The following ZAR1L variants were observed in gnomAD, a reference collection of about 807,000 sequenced individuals.
ZAR1L encodes the protein protein ZAR1-like.
A neutral mutation model predicts 30.0 loss-of-function variants in ZAR1L; 16 were observed. That is an observed-to-expected ratio of 0.53 (90% CI 0.36 to 0.81). The LOEUF (loss-of-function observed/expected upper bound fraction) is 0.81. Ranked by LOEUF, ZAR1L falls within the 30% of genes least tolerant of loss-of-function variation. The pLI, the probability that ZAR1L is intolerant of heterozygous loss-of-function variation, is 0.00. For synonymous variants in ZAR1L, 197 were observed against 166.8 expected (o/e 1.18, Z -1.40); for missense variants, 392 against 417.2 (o/e 0.94, Z 0.53).
intron 2 of ZAR1L, among the ~76,000 whole-genome samples, chr13:32,313,993 G>A (rs374462364): frequency 2.0e-5 from 3 of 152,332 alleles, no homozygotes; most frequent in African/African-American, 7.2e-5. Flanking sequence ...TTAAGTGTAT[G>A]AAGTCAAATG....
Position 32,311,506 on chromosome 13 carries a change from C to G in ZAR1L, c.420G>C (p.Arg140Ser). The change falls in exon 3 of 6, where the codon AGG becomes AGC. Residue 140 changes from arginine (R) to serine (S), a missense_variant. Transcript: ENST00000533490. Reference protein sequence around the residue: ...CGVTSPATGRRGLIRLRRDGD... With the variant: ...CGVTSPATGRSGLIRLRRDGD... ...CATCTCTCCGCAGGCGGATCAAGCCCCTGCGGCCGGTGGCGGGCGAAGTGA... is the reference window on the plus strand; with the variant it reads ...CATCTCTCCGCAGGCGGATCAAGCCGCTGCGGCCGGTGGCGGGCGAAGTGA... 5 of 1,540,512 alleles carry G rather than the reference C, an allele frequency of 3.2e-6. No homozygotes were observed. The highest frequency in any genetic ancestry group is 4.4e-6 in the Non-Finnish European group (5 of 1,142,814).
intron 4 of ZAR1L, among the ~76,000 whole-genome samples, chr13:32,309,308 T>C (rs1471278059): frequency 6.6e-6 from 1 of 152,144 alleles, no homozygotes; most frequent in East Asian, 1.9e-4. Flanking sequence ...ATACGATTAA[T>C]ACTTACTTTT....
chr13:32,304,845 G>C lies in ZAR1L; in HGVS notation c.823-823C>G, dbSNP rs77869083. Among the ~76,000 whole-genome samples, 46 of 134,428 alleles carry C rather than the reference G, an allele frequency of 3.4e-4. 1 individual carries two copies. The highest frequency in any genetic ancestry group is 1.2e-3 in the African/African-American group (44 of 35,530). The allele number at this position is 134,428 out of a possible 152,430, so 88.2% of individuals were successfully genotyped here. A position where few individuals can be genotyped will look rare whatever the true frequency, so the allele number is the denominator to read the frequency against. On this transcript the variant is annotated intron_variant, in intron 5 of 5. Coordinates refer to ENST00000533490, the MANE Select transcript of ZAR1L (RefSeq NM_001136571.2). ...TTTTTTTGAAATGGAGTCTCGCTCT[G>C]TCGCCCAGTCTGGAGTGCAGTGGTG... is the stretch of plus-strand genomic sequence containing the variant.
At chr13:32,312,940 C>G (rs1355036562) in intron 2 of ZAR1L, among the ~76,000 whole-genome samples, 3 of 152,082 alleles carry the variant, frequency 2.0e-5, no homozygotes, top group African/African-American at 7.2e-5. Context: ...ATGGGTGAAA[C>G]TGGGGAACAT....
intron 2 of ZAR1L, 73 bp from the exon 3 acceptor site, chr13:32,312,166 A>T: frequency 2.1e-6 from 1 of 478,712 alleles, no homozygotes; most frequent in Non-Finnish European, 3.6e-6. Context: ...GCTTTTCCCT[A>T]CCTCTTCACT....
At chr13:32,312,421 G>A (rs1207579917) in intron 2 of ZAR1L, among the ~76,000 whole-genome samples, 2 of 152,160 alleles carry the variant, frequency 1.3e-5, no homozygotes, top group African/African-American at 4.8e-5. Flanking sequence ...TTACCCAAAG[G>A]AAATGAAATC....
intron 2 of ZAR1L, 138 bp from the exon 3 acceptor site, chr13:32,312,231 T>G: frequency 5.7e-6 from 2 of 349,612 alleles, no homozygotes; most frequent in Non-Finnish European, 1.0e-5. Context: ...TTCACACATA[T>G]GCTTTAATTA....
Position 32,311,351 on chromosome 13 carries a change from G to C in ZAR1L, c.575C>G (p.Ala192Gly). Residue 192 changes from alanine to glycine, a missense_variant, in exon 3 of 6, where the codon GCC becomes GGC. Coordinates refer to ENST00000533490, the MANE Select transcript of ZAR1L (RefSeq NM_001136571.2). ...GQLEESGEKD[A>G]PCPQETKSKQ... Reference sequence around the variant, plus strand: ...GCTCTTCGTCTCCTGAGGGCACGGGGCGTCTTTCTCCCCCGATTCCTCCAG... The same window carrying C: ...GCTCTTCGTCTCCTGAGGGCACGGGCCGTCTTTCTCCCCCGATTCCTCCAG... 1 of 1,550,974 alleles carries C rather than the reference G, an allele frequency of 6.4e-7. No homozygotes were observed. The highest frequency in any genetic ancestry group is 8.7e-7 in the Non-Finnish European group (1 of 1,146,984).
chr13:32,312,856 C>T (rs541100540), intron 2 of ZAR1L, among the ~76,000 whole-genome samples: 104 of 152,132 alleles, frequency 6.8e-4, no homozygotes, highest in Non-Finnish European at 1.1e-3. Flanking sequence ...CCAGTCTGGG[C>T]AACAGAGAGA....
Position 32,312,085 on chromosome 13 carries a change from C to T in ZAR1L, c.-160G>A. On this transcript the variant is annotated 5_prime_UTR_variant, in exon 3 of 6. Coordinates refer to ENST00000533490, the MANE Select transcript of ZAR1L (RefSeq NM_001136571.2). ...TTTCAGATTCTAATGGGAGCTGCTG[C>T]TTATTACCCTGATTGAGGGAGAGAA... 1 of 828,528 alleles carries T rather than the reference C, an allele frequency of 1.2e-6. No homozygotes were observed. The highest frequency in any genetic ancestry group is 1.8e-6 in the Non-Finnish European group (1 of 552,456). 51.3% of individuals were successfully genotyped at this position (828,528 alleles called of 1,614,324 possible). A position where few individuals can be genotyped will look rare whatever the true frequency, so the allele number is the denominator to read the frequency against.
rs1426911189 is a variant in ZAR1L at position 32,311,438 on chromosome 13, G to T, written c.488C>A (p.Ala163Asp). 1.9e-6 allele frequency: 3 copies of T among 1,548,488 alleles called. No homozygotes were observed. The South Asian group carries it at 3.6e-5, about 18-fold the overall frequency. ...CCGTGATGGTGGCTGCGGCTGGCTG[G>T]CCTCCGCAGGGCCCGGGAGCGCCTT... ...ESKALPGPAE[A>D]SQPQPPSRRS... The change falls in exon 3 of 6, where the codon GCC becomes GAC. Residue 163 changes from alanine to aspartate, a missense_variant. By Grantham distance (126) the Ala-to-Asp change is moderately radical (BLOSUM62 -2). Transcript: ENST00000533490.
rs1284706111 is a variant in ZAR1L, at chr13:32,314,350, G to A, written c.-189C>T. On this transcript the variant is annotated 5_prime_UTR_variant, in exon 2 of 6. Transcript: ENST00000533490. Reference sequence around the variant, plus strand: ...CCCACCCTTTTCCTAATCCAAGGTTGCTTCTGTTTACTGCTCAAGCACCTT... The same window carrying A: ...CCCACCCTTTTCCTAATCCAAGGTTACTTCTGTTTACTGCTCAAGCACCTT... The A allele has an allele frequency of 6.6e-6, 1 of 152,212 alleles. No homozygotes were observed. Among genetic ancestry groups the A allele is most frequent in the African/African-American group, 2.4e-5 (1 of 41,442 alleles). The allele number at this position is 152,212 out of a possible 1,614,324, so 9.4% of individuals were successfully genotyped here.
At position 32,303,816 on chromosome 13, in the gene ZAR1L, G is replaced by C; in HGVS notation, c.*63C>G. On this transcript the variant is annotated 3_prime_UTR_variant, in exon 6 of 6. Transcript: ENST00000533490. ...CAGGTCAGAGCCAAGTTGCAAAAAA[G>C]GAAGACAGCACAGTAAGTTACAAGA... 1 of 1,485,218 alleles carries C rather than the reference G, an allele frequency of 6.7e-7. No individual in the cohort carries two copies. The highest frequency in any genetic ancestry group is 9.0e-7 in the Non-Finnish European group (1 of 1,112,756). The allele number at this position is 1,485,218 out of a possible 1,614,324, so 92.0% of individuals were successfully genotyped here. A position where few individuals can be genotyped will look rare whatever the true frequency, so the allele number is the denominator to read the frequency against.
chr13:32,308,577 A>G (rs914987539), intron 5 of ZAR1L, 109 bp downstream of exon 5: 5 of 752,548 alleles, frequency 6.6e-6, no homozygotes, highest in African/African-American at 1.8e-5. Context: ...TCAAACATAC[A>G]GAACACTCAC....
At chr13:32,314,658 C>T (rs138711565) in intron 1 of ZAR1L, 108 bp from the exon 2 acceptor site, 30 of 152,298 alleles carry the variant, frequency 2.0e-4, no homozygotes, top group African/African-American at 7.2e-4. Flanking sequence ...TGAGACCAGA[C>T]TGACCAACAA....
chr13:32,311,365 C>T lies in ZAR1L; in HGVS notation c.561G>A (p.Ser187=). The part of the protein sequence containing the change: ...RQEEPGQLEE[S]GEKDAPCPQE... Reference sequence around the variant, plus strand: ...GAGGGCACGGGGCGTCTTTCTCCCCCGATTCCTCCAGCTGCCCGGGCTCCT... The same window carrying T: ...GAGGGCACGGGGCGTCTTTCTCCCCTGATTCCTCCAGCTGCCCGGGCTCCT... The change falls in exon 3 of 6, where the codon TCG becomes TCA. Residue 187 remains serine, a synonymous_variant. Coordinates refer to ENST00000533490, the MANE Select transcript of ZAR1L (RefSeq NM_001136571.2). 2 of 1,550,926 alleles carry T rather than the reference C, an allele frequency of 1.3e-6. No individual in the cohort carries two copies. The highest frequency in any genetic ancestry group is 1.4e-5 in the African/African-American group (1 of 73,176).
chr13:32,306,393 T>C (rs777067628), intron 5 of ZAR1L, among the ~76,000 whole-genome samples: 2 of 152,084 alleles, frequency 1.3e-5, no homozygotes, highest in Non-Finnish European at 2.9e-5. Flanking sequence ...AGAAACACTA[T>C]GAAGCTCAAG....
At chr13:32,306,930 CAAAAAAAAAAA>C (rs369500221) in intron 5 of ZAR1L, among the ~76,000 whole-genome samples, 1 of 59,088 alleles carries the variant, frequency 1.7e-5, no homozygotes, top group African/African-American at 7.8e-5. Context: ...GACTCTATCT[CAAAAAAAAAAA>C]AAAAAAAAAA....
At chr13:32,309,645 G>A (rs2138688023) in intron 4 of ZAR1L, among the ~76,000 whole-genome samples, 1 of 152,284 alleles carries the variant, frequency 6.6e-6, no homozygotes, top group South Asian at 2.1e-4. Flanking sequence ...TCTCTGCACT[G>A]CTTCCATATG....
Sources: allele counts gnomAD v4.1 joint callset (sites outside exome capture counted in the v4.1 genomes callset), GRCh38; gene constraint gnomAD v4.1.1; transcripts MANE v1.5; gene names NCBI Gene and HGNC (gene_info 2026-07-23, HGNC 2026-07-21).